The following DACH2 variants were observed in gnomAD, a reference collection of about 807,000 sequenced individuals.
DACH2 encodes the protein dachshund family transcription factor 2, also known as dachshund homolog 2.
DACH2 carries 17 observed loss-of-function variants against 35.8 expected under a neutral mutation model. The observed-to-expected ratio is 0.48, with a 90% confidence interval of 0.33 to 0.71. The LOEUF (loss-of-function observed/expected upper bound fraction) is 0.71. DACH2 is among the 30% of genes least tolerant of loss of function. The pLI, the probability that DACH2 is intolerant of heterozygous loss-of-function variation, is 0.02. For missense variants in DACH2, 469 were observed against 472.7 expected (o/e 0.99, Z 0.07); for synonymous variants, 195 against 177.3 (o/e 1.10, Z -0.79).
chrX:86,422,655 T>A (rs754330123), intron 2 of DACH2, among the ~76,000 whole-genome samples: 2 of 111,502 alleles, frequency 1.8e-5, no homozygotes, highest in African/African-American at 6.5e-5. Flanking sequence ...TCTCAAGCAT[T>A]TACCATTTGA....
rs377359670 is a variant in DACH2, at chrX:86,225,193, C to T, written c.488+76085C>T. Among the ~76,000 whole-genome samples the T allele has an allele frequency of 5.4e-5, 6 of 111,583 alleles. No individual in the cohort carries two copies. In the South Asian group the frequency reaches 2.2e-3, roughly 41 times the overall value. On this transcript the variant is annotated intron_variant, in intron 1 of 11. Coordinates refer to ENST00000373125, the MANE Select transcript of DACH2 (RefSeq NM_053281.3). ...TATATCTAAATATGCTGATCACTTGCGTTGAGCAGTGAAGTGAACTTAGAT... is the reference window on the plus strand; with the variant it reads ...TATATCTAAATATGCTGATCACTTGTGTTGAGCAGTGAAGTGAACTTAGAT...
intron 6 of DACH2, among the ~76,000 whole-genome samples, chrX:86,734,729 T>G (rs1461890640): frequency 9.0e-6 from 1 of 111,008 alleles, no homozygotes; most frequent in African/African-American, 3.3e-5. Context: ...ACTTTCAGCA[T>G]AAAGTACTCC....
chrX:86,600,826 C>T (rs913054552), intron 3 of DACH2, among the ~76,000 whole-genome samples: 3 of 111,050 alleles, frequency 2.7e-5, no homozygotes, highest in Non-Finnish European at 3.8e-5. Flanking sequence ...ACTTAGTTAC[C>T]CCACTATATC....
In DACH2 at chrX:86,436,949, C is replaced by A. The variant is rs181490283; in HGVS notation, c.527+60087C>A. Among the ~76,000 whole-genome samples the A allele has an allele frequency of 3.6e-5, 4 of 111,106 alleles. No homozygotes were observed. In the Admixed American group the frequency reaches 3.9e-4, roughly 11 times the overall value. On this transcript the variant is annotated intron_variant, in intron 2 of 11. Coordinates refer to ENST00000373125, the MANE Select transcript of DACH2 (RefSeq NM_053281.3). ...GTTGTTAATAATATTCATATATATT[C>A]ATATACTATCCTTATATTGTCCATG...
chrX:86,431,764 T>C (rs1013161120), intron 2 of DACH2, among the ~76,000 whole-genome samples: 1 of 112,038 alleles, frequency 8.9e-6, no homozygotes, highest in Admixed American at 9.5e-5. Context: ...TAATACTAGT[T>C]GTCTAATTTG....
At chrX:86,166,930 T>C (rs1230277642) in intron 1 of DACH2, among the ~76,000 whole-genome samples, 1 of 111,534 alleles carries the variant, frequency 9.0e-6, no homozygotes, top group Non-Finnish European at 1.9e-5. Flanking sequence ...GTCATGTTGA[T>C]CTTTCTAATG....
At position 86,159,851 on chromosome X, in the gene DACH2, A is replaced by T. The variant is rs944273898; in HGVS notation, c.488+10743A>T. On this transcript the variant is annotated intron_variant, in intron 1 of 11. Coordinates refer to ENST00000373125, the MANE Select transcript of DACH2 (RefSeq NM_053281.3). ...TAACATTGATTTGGCTTTGCAGTGCATTATAAAATGTTCTCAGCATATTTA... is the reference window on the plus strand; with the variant it reads ...TAACATTGATTTGGCTTTGCAGTGCTTTATAAAATGTTCTCAGCATATTTA... Among the ~76,000 whole-genome samples the T allele has an allele frequency of 3.6e-5, 4 of 111,672 alleles. No individual in the cohort carries two copies. The Admixed American group carries it at 3.8e-4, about 11-fold the overall frequency.
At chrX:86,560,563 G>T (rs761775766) in intron 3 of DACH2, among the ~76,000 whole-genome samples, 1 of 103,043 alleles carries the variant, frequency 9.7e-6, no homozygotes, top group African/African-American at 3.6e-5. Context: ...ATAGATCAAT[G>T]GAACAGAACA....
At chrX:86,581,037 C>G (rs770227324) in intron 3 of DACH2, among the ~76,000 whole-genome samples, 1 of 111,576 alleles carries the variant, frequency 9.0e-6, no homozygotes, top group Non-Finnish European at 1.9e-5. Context: ...TAACAGTAGA[C>G]CTTTCATCAG....
chrX:86,169,655 G>A (rs963804928), intron 1 of DACH2, among the ~76,000 whole-genome samples: 4 of 109,001 alleles, frequency 3.7e-5, no homozygotes, highest in African/African-American at 1.0e-4. Context: ...CTGCTTGATC[G>A]ATTGCATTTT....
rs181649869 is a variant in DACH2, at chrX:86,285,586, G to C, written c.489-91238G>C. 7.2e-5 allele frequency among the ~76,000 whole-genome samples: 8 copies of C among 111,837 alleles called. No homozygotes were observed. The East Asian group carries it at 2.2e-3, about 31-fold the overall frequency. Reference sequence around the variant, plus strand: ...GACTTGTTTTATGACCTAAGATATGGTCTTTTTTTTACAATGATCCACATG... The same window carrying C: ...GACTTGTTTTATGACCTAAGATATGCTCTTTTTTTTACAATGATCCACATG... On this transcript the variant is annotated intron_variant, in intron 1 of 11. Coordinates refer to ENST00000373125, the MANE Select transcript of DACH2 (RefSeq NM_053281.3).
chrX:86,529,977 G>GCACA lies in DACH2; in HGVS notation c.640+15611_640+15614dup, dbSNP rs34621582. On this transcript the variant is annotated intron_variant, in intron 3 of 11. Transcript: ENST00000373125. ...CACACACACACACACACACACACACGCACACACACACACACACACACACAC... is the reference window on the plus strand; with the variant it reads ...CACACACACACACACACACACACACGCACACACACACACACACACACACACACAC... Among the ~76,000 whole-genome samples the GCACA allele has an allele frequency of 8.4e-3, 710 of 84,226 alleles. 1 individual carries two copies. The highest frequency in any genetic ancestry group is 0.013 in the South Asian group (19 of 1,488). 73.1% of individuals were successfully genotyped at this position (84,226 alleles called of 115,157 possible). A position where few individuals can be genotyped will look rare whatever the true frequency, so the allele number is the denominator to read the frequency against.
chrX:86,566,709 G>A (rs1018265334), intron 3 of DACH2, among the ~76,000 whole-genome samples: 2 of 101,114 alleles, frequency 2.0e-5, no homozygotes, highest in African/African-American at 6.7e-5. Context: ...TTCTGTACAT[G>A]CAAGTGTACT....
At chrX:86,644,017 G>A (rs753990937) in intron 3 of DACH2, among the ~76,000 whole-genome samples, 3 of 111,281 alleles carry the variant, frequency 2.7e-5, no homozygotes, top group South Asian at 3.8e-4. Flanking sequence ...TATACTGAAC[G>A]TGCAAAAGCT....
At chrX:86,509,434 A>G (rs1223249211) in intron 2 of DACH2, among the ~76,000 whole-genome samples, 1 of 111,681 alleles carries the variant, frequency 9.0e-6, no homozygotes, top group Non-Finnish European at 1.9e-5. Context: ...TTTTGCATGG[A>G]TGACTTCTTC....
At chrX:86,633,234 A>T (rs920458182) in intron 3 of DACH2, among the ~76,000 whole-genome samples, 2 of 111,631 alleles carry the variant, frequency 1.8e-5, no homozygotes, top group Admixed American at 1.9e-4. Flanking sequence ...AAGAGAGAAG[A>T]TCCAAATAAA....
chrX:86,370,800 T>C (rs981480480), intron 1 of DACH2, among the ~76,000 whole-genome samples: 2 of 111,756 alleles, frequency 1.8e-5, no homozygotes, highest in Non-Finnish European at 3.8e-5. Flanking sequence ...TGAATTTGAA[T>C]ATGTGGAAGA....
chrX:86,376,740 G>A, intron 1 of DACH2, 84 bp from the exon 2 acceptor site: 1 of 1,077,199 alleles, frequency 9.3e-7, no homozygotes, highest in African/African-American at 1.9e-5. Context: ...ATATAATAAA[G>A]CCTTGCTTAA....
At chrX:86,607,307 C>T (rs1300631404) in intron 3 of DACH2, among the ~76,000 whole-genome samples, 1 of 111,362 alleles carries the variant, frequency 9.0e-6, no homozygotes, top group Non-Finnish European at 1.9e-5. Context: ...GTAATTCTCT[C>T]TGGCAACATG....
Sources: allele counts gnomAD v4.1 joint callset (sites outside exome capture counted in the v4.1 genomes callset), GRCh38; gene constraint gnomAD v4.1.1; transcripts MANE v1.5; gene names NCBI Gene and HGNC (gene_info 2026-07-23, HGNC 2026-07-21).